Variants in MYH11 observed in about 807,000 individuals in gnomAD.
MYH11 encodes the protein myosin-11.
MYH11 carries 80 observed loss-of-function variants against 246.6 expected under a neutral mutation model. The observed-to-expected ratio is 0.32, with a 90% confidence interval of 0.27 to 0.39. The LOEUF (loss-of-function observed/expected upper bound fraction) is 0.39, where lower values mean the gene tolerates loss of function less well. MYH11 is among the 10% of genes least tolerant of loss of function. The pLI is 1.00. For synonymous variants in MYH11, 1,071 were observed against 1,015.5 expected, an observed-to-expected ratio of 1.05 and a Z score of -1.04; for missense variants, 2,158 against 2,546.8, an observed-to-expected ratio of 0.85 and a Z score of 3.29.
intron 2 of MYH11, among the ~76,000 whole-genome samples, chr16:15,831,654 G>C (rs2043743104): frequency 6.6e-6 from 1 of 152,104 alleles, no homozygotes; most frequent in Admixed American, 6.6e-5. Flanking sequence ...TGAAAGATCA[G>C]AAGGCTGGGT....
At position 15,756,107 on chromosome 16, in the gene MYH11, CAG is replaced by C. The variant is rs148264559; in HGVS notation, c.1749+232_1749+233del. 9.1e-3 allele frequency among the ~76,000 whole-genome samples: 1,386 copies of C among 152,316 alleles called. 25 individuals carry two copies. The highest frequency in any genetic ancestry group is 0.032 in the African/African-American group (1,347 of 41,568). On this transcript the variant is annotated intron_variant, in intron 14 of 40. Transcript: ENST00000300036. ...AGCGAGACCCTGTCTCCAACAAAAA[CAG>C]AAAGAAATAACTGTCTGGACGTCAC...
chr16:15,812,551 T>TAA (rs71134466), intron 3 of MYH11, among the ~76,000 whole-genome samples: 642 of 37,418 alleles, frequency 0.017, 34 homozygotes, highest in African/African-American at 0.056. Flanking sequence ...ATCTTATCTC[T>TAA]AAAAAAAAAA....
At chr16:15,712,306 T>G (rs975670838) in intron 40 of MYH11, among the ~76,000 whole-genome samples, 2 of 152,072 alleles carry the variant, frequency 1.3e-5, no homozygotes, top group Non-Finnish European at 2.9e-5. Context: ...ATACATGGAA[T>G]TCTAAAGCGC....
intron 20 of MYH11, among the ~76,000 whole-genome samples, chr16:15,743,452 AGCCACCAC>A (rs1416395649): frequency 2.0e-5 from 3 of 152,126 alleles, no homozygotes; most frequent in Admixed American, 2.0e-4. Flanking sequence ...TACAGGCATG[AGCCACCAC>A]ACCTGGCTAA....
rs756926040 is a variant in MYH11 at position 15,732,673 on chromosome 16, T to G, written c.3542A>C (p.Lys1181Thr). ...KREQEVTVLK[K>T]ALDEETRSHE... Reference sequence around the variant, plus strand: ...GGACCGCGTCTCTTCATCCAGGGCCTTCTTCAGCACCGTCACCTCCTGCTC... The same window carrying G: ...GGACCGCGTCTCTTCATCCAGGGCCGTCTTCAGCACCGTCACCTCCTGCTC... The change falls in exon 27 of 41, where the codon AAG (lysine) becomes ACG (threonine). Residue 1181 changes from lysine to threonine, a missense_variant. Physicochemically the swap from Lys to Thr is moderately conservative, Grantham distance 78 (BLOSUM62 -1). Transcript: ENST00000300036. The G allele has an allele frequency of 9.9e-6, 16 of 1,614,118 alleles. No homozygotes were observed. The Admixed American group carries it at 2.0e-4, about 20-fold the overall frequency.
intron 3 of MYH11, among the ~76,000 whole-genome samples, chr16:15,819,235 G>C (rs1372669193): frequency 2.0e-5 from 3 of 152,204 alleles, no homozygotes. Flanking sequence ...GTAGTTTCAA[G>C]AGAGCTGACT....
chr16:15,748,012 C>T, intron 17 of MYH11, 35 bp downstream of exon 17: 4 of 1,614,226 alleles, frequency 2.5e-6, no homozygotes, highest in South Asian at 1.1e-5. Context: ...TCCCGCTCAC[C>T]CCCTGCCCTA....
chr16:15,720,655 G>C (rs531459744), intron 33 of MYH11, among the ~76,000 whole-genome samples, 184 bp downstream of exon 33: 4 of 152,154 alleles, frequency 2.6e-5, no homozygotes, highest in African/African-American at 9.6e-5. Context: ...GGGAGGCTGA[G>C]GCAGGAGGTG....
chr16:15,813,454 T>A (rs987248703), intron 3 of MYH11, among the ~76,000 whole-genome samples: 2 of 152,188 alleles, frequency 1.3e-5, no homozygotes, highest in African/African-American at 4.8e-5. Flanking sequence ...GGCTTAATTT[T>A]AAAATTCCTA....
chr16:15,795,284 C>T (rs1243940257), intron 4 of MYH11, among the ~76,000 whole-genome samples: 2 of 146,624 alleles, frequency 1.4e-5, no homozygotes, highest in African/African-American at 5.1e-5. Flanking sequence ...CAGAGTGAGA[C>T]TCTGTCTCAA....
intron 3 of MYH11, among the ~76,000 whole-genome samples, chr16:15,814,149 A>AAAC (rs1491007755): frequency 1.1e-5 from 1 of 91,468 alleles, no homozygotes; most frequent in Non-Finnish European, 2.2e-5. Flanking sequence ...CCAAAAAAAA[A>AAAC]CAAACAAACC....
chr16:15,815,978 C>T (rs1321603204), intron 3 of MYH11, among the ~76,000 whole-genome samples: 3 of 152,128 alleles, frequency 2.0e-5, no homozygotes, highest in Non-Finnish European at 4.4e-5. Context: ...TTTCTGAAAA[C>T]AACTTTCTTG....
At chr16:15,706,272 CTT>C (rs1446380995) in intron 40 of MYH11, among the ~76,000 whole-genome samples, 1 of 152,174 alleles carries the variant, frequency 6.6e-6, no homozygotes, top group African/African-American at 2.4e-5. Context: ...ACCCTTAAGT[CTT>C]TTTCTTTTTT....
At chr16:15,738,455 G>A in intron 24 of MYH11, 110 bp downstream of exon 24, 2 of 1,071,466 alleles carry the variant, frequency 1.9e-6, no homozygotes, top group South Asian at 3.2e-5. Flanking sequence ...TCGGGCTGCA[G>A]TGAGCCATGA....
At chr16:15,717,700 G>C (rs1040933180) in intron 37 of MYH11, 1 of 374,804 alleles carries the variant, frequency 2.7e-6, no homozygotes, top group African/African-American at 2.1e-5. Flanking sequence ...GGAGGTTGAA[G>C]CAGGAGAATC....
chr16:15,759,438 A>G lies in MYH11; in HGVS notation c.1401+138T>C. 3 of 1,134,528 alleles carry G rather than the reference A, an allele frequency of 2.6e-6. No homozygotes were observed. In the South Asian group the frequency reaches 3.7e-5, roughly 14 times the overall value. The allele number at this position is 1,134,528 out of a possible 1,614,324, so 70.3% of individuals were successfully genotyped here. ...TGGATTTCTGTCTCTTATACCCTCAATGATCCACCCTTAACTAGACAGCCT... is the reference window on the plus strand; with the variant it reads ...TGGATTTCTGTCTCTTATACCCTCAGTGATCCACCCTTAACTAGACAGCCT... On this transcript the variant is annotated intron_variant, in intron 12 of 40. Coordinates refer to ENST00000300036, the MANE Select transcript of MYH11 (RefSeq NM_002474.3).
At chr16:15,742,520 T>G (rs935359283) in intron 20 of MYH11, among the ~76,000 whole-genome samples, 1 of 152,124 alleles carries the variant, frequency 6.6e-6, no homozygotes, top group African/African-American at 2.4e-5. Flanking sequence ...GGCAAGCGCT[T>G]GAGCCCAGGA....
intron 9 of MYH11, among the ~76,000 whole-genome samples, chr16:15,768,235 T>C (rs1036831100): frequency 6.6e-6 from 1 of 152,214 alleles, no homozygotes; most frequent in Non-Finnish European, 1.5e-5. Flanking sequence ...ACATCAGACA[T>C]GTGTACCACC....
At chr16:15,822,518 A>C (rs150999770) in intron 3 of MYH11, among the ~76,000 whole-genome samples, 17 of 152,188 alleles carry the variant, frequency 1.1e-4, no homozygotes, top group African/African-American at 4.1e-4. Context: ...TTCCAAAAAC[A>C]AAACAAAACA....
Sources: allele counts gnomAD v4.1 joint callset (sites outside exome capture counted in the v4.1 genomes callset), GRCh38; gene constraint gnomAD v4.1.1; transcripts MANE v1.5; gene names NCBI Gene and HGNC (gene_info 2026-07-23, HGNC 2026-07-21).